Variants in EFCAB6 observed in about 807,000 individuals in gnomAD.
EFCAB6 encodes EF-hand calcium-binding domain-containing protein 6.
In EFCAB6, 156 loss-of-function variants were observed where a neutral mutation model predicts 169.8. That is an observed-to-expected ratio of 0.92 (90% CI 0.81 to 1.05). The LOEUF (loss-of-function observed/expected upper bound fraction) is 1.05, where lower values mean the gene tolerates loss of function less well. EFCAB6 is among the 50% of genes least tolerant of loss of function. The pLI is 0.00. For synonymous variants in EFCAB6, 698 were observed against 676.4 expected (o/e 1.03, Z -0.50); for missense variants, 1,800 against 1,829.1 (o/e 0.98, Z 0.29).
intron 18 of EFCAB6, among the ~76,000 whole-genome samples, chr22:43,634,835 A>G (rs1416140063): frequency 1.3e-5 from 2 of 152,218 alleles, no homozygotes; most frequent in Non-Finnish European, 2.9e-5. Flanking sequence ...GTGTGATTGA[A>G]GAAACAGGCT....
chr22:43,618,220 A>AAGAAAGAAAGAAAGAG (rs1569257492), intron 20 of EFCAB6, among the ~76,000 whole-genome samples: 4 of 120,818 alleles, frequency 3.3e-5, no homozygotes, highest in East Asian at 5.2e-4. Context: ...GAAAGAAAGA[A>AAGAAAGAAAGAAAGAG]AGAGAAAGAA....
chr22:43,618,202 GAAAGAAAGAAAGAAAGAAAGA>G lies in EFCAB6; in HGVS notation c.2466-2301_2466-2281del, dbSNP rs1298363321. 7.0e-3 allele frequency among the ~76,000 whole-genome samples: 1,027 copies of G among 146,126 alleles called. 25 individuals are homozygous for G. The highest frequency in any genetic ancestry group is 0.01 in the Non-Finnish European group (671 of 65,882). ...AGAAAGAAAGAAAGAAAGAAAGAAA[GAAAGAAAGAAAGAAAGAAAGA>G]GAAAGAAAGAAAGAGAGAGAAAGAG... On this transcript the variant is annotated intron_variant, in intron 20 of 31. Coordinates refer to ENST00000262726, the MANE Select transcript of EFCAB6 (RefSeq NM_022785.4).
intron 30 of EFCAB6, among the ~76,000 whole-genome samples, chr22:43,533,188 G>A (rs1461746824): frequency 6.6e-6 from 1 of 152,206 alleles, no homozygotes; most frequent in Non-Finnish European, 1.5e-5. Context: ...AGAGAAAACT[G>A]TAGACAATGC....
chr22:43,555,863 T>C (rs1347299265), intron 26 of EFCAB6, among the ~76,000 whole-genome samples: 1 of 152,096 alleles, frequency 6.6e-6, no homozygotes, highest in Non-Finnish European at 1.5e-5. Context: ...GGAGGAGGAA[T>C]TGGCTGTGGA....
At chr22:43,725,367 C>T (rs972050008) in intron 8 of EFCAB6, among the ~76,000 whole-genome samples, 5 of 152,074 alleles carry the variant, frequency 3.3e-5, no homozygotes, top group Non-Finnish European at 7.4e-5. Flanking sequence ...TCTTGAACTC[C>T]CGACTTCAGG....
intron 20 of EFCAB6, among the ~76,000 whole-genome samples, chr22:43,621,602 A>AGCC (rs2054119923): frequency 6.6e-6 from 1 of 152,138 alleles, no homozygotes; most frequent in African/African-American, 2.4e-5. Context: ...TGAGAGAAAA[A>AGCC]ATGACTCAAA....
intron 17 of EFCAB6, among the ~76,000 whole-genome samples, chr22:43,645,962 A>G (rs1471062143): frequency 6.6e-6 from 1 of 152,232 alleles, no homozygotes; most frequent in Non-Finnish European, 1.5e-5. Flanking sequence ...AGACATGTCC[A>G]TTTTAGAAGC....
chr22:43,687,713 C>A, intron 10 of EFCAB6, 132 bp from the exon 11 acceptor site: 1 of 527,746 alleles, frequency 1.9e-6, no homozygotes, highest in South Asian at 3.5e-5. Context: ...CTAATATAAA[C>A]AAAATCACTT....
At position 43,787,352 on chromosome 22, in the gene EFCAB6, GCACACA is replaced by G. The variant is rs61585162; in HGVS notation, c.-7-5033_-7-5028del. Among the ~76,000 whole-genome samples the G allele has an allele frequency of 0.038, 5,507 of 146,832 alleles. 631 individuals carry two copies. In the East Asian group the frequency reaches 0.43, roughly 12 times the overall value. ...GGCAGACAGACAGATACACACATAT[GCACACA>G]CACACACACACACACACACACACAC... On this transcript the variant is annotated intron_variant, in intron 2 of 31. Transcript: ENST00000262726.
intron 10 of EFCAB6, among the ~76,000 whole-genome samples, chr22:43,692,558 T>C (rs1242256995): frequency 1.3e-5 from 2 of 151,882 alleles, no homozygotes; most frequent in African/African-American, 4.8e-5. Context: ...AAAGAACTAA[T>C]GGAAATTCTA....
intron 9 of EFCAB6, among the ~76,000 whole-genome samples, chr22:43,713,384 A>C (rs1027600025): frequency 1.6e-4 from 24 of 152,372 alleles, no homozygotes; most frequent in African/African-American, 4.8e-4. Context: ...AAAATATAAA[A>C]GGCTGTTCAA....
At chr22:43,541,323 G>A (rs1219360841) in intron 27 of EFCAB6, among the ~76,000 whole-genome samples, 1 of 152,220 alleles carries the variant, frequency 6.6e-6, no homozygotes. Context: ...ACGGAAGTCG[G>A]GGTTGGGGGG....
intron 17 of EFCAB6, among the ~76,000 whole-genome samples, chr22:43,658,585 A>G (rs17476329): frequency 0.047 from 7,136 of 152,266 alleles, 191 homozygotes; most frequent in African/African-American, 0.055. Context: ...CCCTGAGAAT[A>G]CAAAAGTGAG....
chr22:43,632,109 A>C lies in EFCAB6; in HGVS notation c.2228T>G (p.Phe743Cys). Residue 743 changes from phenylalanine (F) to cysteine (C), a missense_variant, in exon 19 of 32, where the codon TTC (phenylalanine) becomes TGC (cysteine). By Grantham distance (205) the Phe-to-Cys change is radical. Transcript: ENST00000262726. ...KLFPRRLKES[F>C]RDPYSAFFKT... ...CGCCAGACAGTCACGGTTTACCCGGAATGACTCCTTCAGCCTCCTAGGGAA... is the reference window on the plus strand; with the variant it reads ...CGCCAGACAGTCACGGTTTACCCGGCATGACTCCTTCAGCCTCCTAGGGAA... 1 of 1,613,912 alleles carries C rather than the reference A, an allele frequency of 6.2e-7. No homozygotes were observed. The highest frequency in any genetic ancestry group is 8.5e-7 in the Non-Finnish European group (1 of 1,179,922).
At chr22:43,711,331 T>C (rs991100008) in intron 10 of EFCAB6, 144 bp downstream of exon 10, 2 of 846,832 alleles carry the variant, frequency 2.4e-6, no homozygotes, top group Non-Finnish European at 3.3e-6. Flanking sequence ...GGATTTACTA[T>C]ATTATTCCCT....
intron 9 of EFCAB6, among the ~76,000 whole-genome samples, chr22:43,715,645 C>T (rs151179600): frequency 6.6e-6 from 1 of 152,214 alleles, no homozygotes; most frequent in African/African-American, 2.4e-5. Context: ...AAAGAGAGGT[C>T]CAGAATTATG....
intron 17 of EFCAB6, among the ~76,000 whole-genome samples, chr22:43,665,764 T>G (rs2057218658): frequency 6.6e-6 from 1 of 152,200 alleles, no homozygotes; most frequent in Non-Finnish European, 1.5e-5. Context: ...GGGAATGACT[T>G]AAAACATTTC....
chr22:43,629,315 C>A (rs932373944), intron 19 of EFCAB6, among the ~76,000 whole-genome samples: 1 of 152,204 alleles, frequency 6.6e-6, no homozygotes, highest in African/African-American at 2.4e-5. Context: ...CAGTTCCTGA[C>A]GGTGCCATGT....
intron 17 of EFCAB6, among the ~76,000 whole-genome samples, chr22:43,658,333 G>T (rs150714638): frequency 4.6e-5 from 7 of 152,178 alleles, no homozygotes; most frequent in Non-Finnish European, 8.8e-5. Flanking sequence ...TTTCAGAGGC[G>T]ACCTAGGGAT....
Sources: gnomAD v4.1 joint callset for allele counts (sites outside exome capture counted in the v4.1 genomes callset) on GRCh38, gnomAD v4.1.1 for gene constraint, MANE v1.5 for transcripts, NCBI Gene and HGNC (gene_info 2026-07-23, HGNC 2026-07-21) for gene names.